Variants in ANKDD1A observed in about 807,000 individuals in gnomAD.
The protein encoded by ANKDD1A is ankyrin repeat and death domain-containing protein 1A.
Under a neutral mutation model 63.5 loss-of-function variants are expected in ANKDD1A, and 59 were observed. That is an observed-to-expected ratio of 0.93 (90% CI 0.75 to 1.15). ANKDD1A has a LOEUF of 1.15. Ranked by LOEUF, ANKDD1A falls within the 50% of genes most tolerant of loss-of-function variation. The pLI, the probability that ANKDD1A is intolerant of heterozygous loss-of-function variation, is 0.00. For synonymous variants in ANKDD1A, 266 were observed against 263.9 expected, an observed-to-expected ratio of 1.01 and a Z score of -0.08; for missense variants, 632 against 656.4, an observed-to-expected ratio of 0.96 and a Z score of 0.41.
chr15:64,943,219 C>A (rs1216185286), intron 10 of ANKDD1A: 2 of 380,302 alleles, frequency 5.3e-6, no homozygotes, highest in African/African-American at 2.1e-5. Context: ...ATGGCACAGA[C>A]AAAAATAGGC....
In ANKDD1A at chr15:64,954,033, CTTCTTCCTCTTCTTCTTTTCTCCTTCTT is replaced by C. The variant is rs2085371045; in HGVS notation, c.1484-3069_1484-3042del. ...TTCCTTCTTTCCTCTTCTTTTCTTT[CTTCTTCCTCTTCTTCTTTTCTCCTTCTT>C]CTTTCTTCTTCCTCTTTTCTTCTTC... is the stretch of plus-strand genomic sequence containing the variant. On this transcript the variant is annotated intron_variant, in intron 14 of 14. Transcript: ENST00000319580. Among the ~76,000 whole-genome samples the C allele has an allele frequency of 4.6e-5, 5 of 107,804 alleles. No individual in the cohort carries two copies. The East Asian group carries it at 1.5e-3, about 32-fold the overall frequency. The allele number at this position is 107,804 out of a possible 152,430, so 70.7% of individuals were successfully genotyped here.
intron 14 of ANKDD1A, among the ~76,000 whole-genome samples, chr15:64,955,997 G>C (rs183783814): frequency 1.5e-3 from 225 of 152,296 alleles, no homozygotes; most frequent in Non-Finnish European, 2.3e-3. Context: ...TGGTGAAATA[G>C]AGTATGTTCC....
chr15:64,912,118 C>T (rs1393241029), intron 1 of ANKDD1A, among the ~76,000 whole-genome samples, 154 bp downstream of exon 1: 1 of 152,094 alleles, frequency 6.6e-6, no homozygotes, highest in Non-Finnish European at 1.5e-5. Context: ...TACCGGTCCG[C>T]GCACTGGGCC....
intron 14 of ANKDD1A, among the ~76,000 whole-genome samples, chr15:64,956,240 TTTC>T (rs1469582287): frequency 0.016 from 656 of 41,452 alleles, 5 homozygotes; most frequent in East Asian, 0.14. Context: ...TCCTTTTTTT[TTTC>T]TTTTTTTTTG....
At chr15:64,951,534 TCCCTCTTCTTTCTTC>T (rs2085276526) in intron 14 of ANKDD1A, 1 of 10,978 alleles carries the variant, frequency 9.1e-5, no homozygotes, top group African/African-American at 1.3e-4. Context: ...TTCTTCCTCT[TCCCTCTTCTTTCTTC>T]TCTTCTTTCT....
At chr15:64,954,366 TC>T (rs2085383022) in intron 14 of ANKDD1A, among the ~76,000 whole-genome samples, 44 of 27,508 alleles carry the variant, frequency 1.6e-3, no homozygotes, top group East Asian at 3.2e-3. Flanking sequence ...TTCTTCTCCT[TC>T]TTCTTCCTTT....
chr15:64,950,745 C>T (rs1015628668), intron 14 of ANKDD1A: 5 of 915,618 alleles, frequency 5.5e-6, no homozygotes, highest in Non-Finnish European at 3.8e-6. Flanking sequence ...CCCCCCCCCC[C>T]CCCCCATAGC....
At chr15:64,951,994 CTTTT>C (rs1489155111) in intron 14 of ANKDD1A, among the ~76,000 whole-genome samples, 6 of 142,012 alleles carry the variant, frequency 4.2e-5, no homozygotes, top group Non-Finnish European at 9.3e-5. Flanking sequence ...ATTCTTCTTT[CTTTT>C]CTTTCTTCTT....
At chr15:64,944,543 C>T (rs2085208891) in intron 11 of ANKDD1A, 109 bp from the exon 12 acceptor site, 1 of 974,972 alleles carries the variant, frequency 1.0e-6, no homozygotes, top group Admixed American at 2.5e-5. Flanking sequence ...TCAGCGTAGA[C>T]TGCTGGAAAG....
chr15:64,926,660 G>T (rs974823263), intron 5 of ANKDD1A, among the ~76,000 whole-genome samples: 1 of 152,148 alleles, frequency 6.6e-6, no homozygotes, highest in Non-Finnish European at 1.5e-5. Context: ...TTATTCATTA[G>T]GCAGCAAGGA....
chr15:64,954,561 TCTCCTTG>T lies in ANKDD1A; in HGVS notation c.1484-2541_1484-2535del, dbSNP rs2085390681. 5.6e-3 allele frequency among the ~76,000 whole-genome samples: 822 copies of T among 145,694 alleles called. 3 individuals carry two copies. The highest frequency in any genetic ancestry group is 9.3e-3 in the Admixed American group (133 of 14,338). On this transcript the variant is annotated intron_variant, in intron 14 of 14. Coordinates refer to ENST00000319580, the MANE Select transcript of ANKDD1A (RefSeq NM_182703.6). Reference sequence around the variant, plus strand: ...TTCTCCTTCTTCTTTTCTTCTTCCTTCTCCTTGTTCTCCTTCTTCCTTATTCTTCCTT... The same window carrying T: ...TTCTCCTTCTTCTTTTCTTCTTCCTTTTCTCCTTCTTCCTTATTCTTCCTT...
intron 14 of ANKDD1A, chr15:64,951,017 C>T (rs576005292): frequency 3.5e-5 from 44 of 1,270,650 alleles, no homozygotes; most frequent in African/African-American, 9.2e-5. Flanking sequence ...GCCATGTAAC[C>T]GGAGGGGCCA....
chr15:64,951,421 T>A, intron 14 of ANKDD1A: 2 of 158,660 alleles, frequency 1.3e-5, no homozygotes, highest in Non-Finnish European at 1.9e-5. Flanking sequence ...CTTTTCTTCC[T>A]CTTTTCTTCT....
chr15:64,917,001 TG>T (rs961080086), intron 2 of ANKDD1A, among the ~76,000 whole-genome samples: 3 of 152,114 alleles, frequency 2.0e-5, no homozygotes, highest in Non-Finnish European at 2.9e-5. Context: ...CTTGGCCACA[TG>T]GGGCTTTCCA....
intron 1 of ANKDD1A, among the ~76,000 whole-genome samples, chr15:64,915,586 G>C (rs977499368): frequency 1.3e-5 from 2 of 152,202 alleles, no homozygotes; most frequent in African/African-American, 4.8e-5. Flanking sequence ...TCCTGGTTGC[G>C]TGGCTGTGGG....
At chr15:64,931,952 G>T in intron 8 of ANKDD1A, 1 of 336,354 alleles carries the variant, frequency 3.0e-6, no homozygotes, top group East Asian at 4.9e-5. Flanking sequence ...GAAGTGCAAT[G>T]GTGCGATCTT....
intron 4 of ANKDD1A, chr15:64,922,575 G>A (rs1054297624): frequency 5.9e-5 from 9 of 152,226 alleles, no homozygotes; most frequent in African/African-American, 2.2e-4. Context: ...AAATTCAGAG[G>A]ACCTATGAAC....
intron 8 of ANKDD1A, among the ~76,000 whole-genome samples, chr15:64,932,951 G>GAAA (rs60950432): frequency 3.5e-5 from 5 of 140,996 alleles, no homozygotes; most frequent in Non-Finnish European, 7.6e-5. Flanking sequence ...CCTGTCTCAA[G>GAAA]AAAAAAAAAA....
At chr15:64,930,577 G>A (rs994419173) in intron 6 of ANKDD1A, among the ~76,000 whole-genome samples, 13 of 152,230 alleles carry the variant, frequency 8.5e-5, no homozygotes, top group African/African-American at 3.1e-4. Flanking sequence ...GGAGGGACCG[G>A]CTTCAGATGG....
Sources: gnomAD v4.1 joint callset for allele counts (sites outside exome capture counted in the v4.1 genomes callset) on GRCh38, gnomAD v4.1.1 for gene constraint, MANE v1.5 for transcripts, NCBI Gene and HGNC (gene_info 2026-07-23, HGNC 2026-07-21) for gene names.